Variants in OTOGL observed in about 807,000 individuals in gnomAD.
OTOGL encodes the protein otogelin like.
A neutral mutation model predicts 318.5 loss-of-function variants in OTOGL; 285 were observed. That is an observed-to-expected ratio of 0.89 (90% CI 0.81 to 0.99). The LOEUF (loss-of-function observed/expected upper bound fraction) is 0.99. Among genes scored for constraint, OTOGL ranks in the 50% least tolerant of loss-of-function variants. The probability of loss-of-function intolerance (pLI) is 0.00; values close to 1 mark genes in which losing one functional copy is unlikely to be tolerated. For missense variants in OTOGL, 2,899 were observed against 2,845.6 expected, an observed-to-expected ratio of 1.02 and a Z score of -0.43; for synonymous variants, 987 against 936.5, an observed-to-expected ratio of 1.05 and a Z score of -0.99.
rs112997771 is a variant in OTOGL at position 80,231,763 on chromosome 12, G to T, written c.612-1129G>T. On this transcript the variant is annotated intron_variant, in intron 8 of 58. Transcript: ENST00000547103. ...GATTCTCCTGCCTCAGCCTCCCAAG[G>T]AGCTGGGACTACAGGCACGTGCACC... 7.1e-3 allele frequency among the ~76,000 whole-genome samples: 1,072 copies of T among 151,466 alleles called. 16 individuals are homozygous for T. The highest frequency in any genetic ancestry group is 0.025 in the African/African-American group (1,024 of 41,302).
chr12:80,268,593 G>A (rs1440929344), intron 22 of OTOGL, among the ~76,000 whole-genome samples: 1 of 152,068 alleles, frequency 6.6e-6, no homozygotes, highest in Non-Finnish European at 1.5e-5. Flanking sequence ...TCTGTGGTAC[G>A]CAGTACTATT....
At chr12:80,173,991 A>G (rs1874371487) in intron 1 of OTOGL, among the ~76,000 whole-genome samples, 1 of 152,294 alleles carries the variant, frequency 6.6e-6, no homozygotes, top group South Asian at 2.1e-4. Flanking sequence ...ACATTGAGAA[A>G]GCTCATCCTG....
intron 1 of OTOGL, among the ~76,000 whole-genome samples, chr12:80,130,521 G>C (rs1871173719): frequency 6.6e-6 from 1 of 152,188 alleles, no homozygotes; most frequent in Non-Finnish European, 1.5e-5. Flanking sequence ...GACAAGGGAA[G>C]ATGTTATACA....
At chr12:80,376,283 A>AT (rs1891172954) in intron 57 of OTOGL, among the ~76,000 whole-genome samples, 1 of 152,126 alleles carries the variant, frequency 6.6e-6, no homozygotes, top group Non-Finnish European at 1.5e-5. Context: ...TTAAATTAGG[A>AT]TTTCATGGCT....
chr12:80,172,540 G>A (rs1874272948), intron 1 of OTOGL, among the ~76,000 whole-genome samples: 1 of 152,100 alleles, frequency 6.6e-6, no homozygotes, highest in African/African-American at 2.4e-5. Flanking sequence ...AGGGCAATGG[G>A]GAAGAGCATC....
rs10862089 is a variant in OTOGL, at chr12:80,305,695, G to T, written c.3333G>T (p.Gln1111His). The T allele has an allele frequency of 0.08, 121,749 of 1,521,884 alleles. 5,234 individuals carry two copies. The highest frequency in any genetic ancestry group is 0.13 in the South Asian group (9,987 of 75,732). 94.3% of individuals were successfully genotyped at this position (1,521,884 alleles called of 1,614,324 possible). A position where few individuals can be genotyped will look rare whatever the true frequency, so the allele number is the denominator to read the frequency against. ...RVFGDSWALGQCESPDETIKP... is the reference protein window; with the variant it reads ...RVFGDSWALGHCESPDETIKP... ...TTGGAGATAGTTGGGCATTAGGACA[G>T]GTAAGTTACATAAATGTATTTTAGA... The change falls in exon 29 of 59, where the codon CAG becomes CAT. Residue 1111 changes from glutamine to histidine, a missense_variant and splice_region_variant. Physicochemically the swap from Gln to His is conservative, Grantham distance 24. Around this residue, in one of 3 missense-constraint regions of OTOGL, gnomAD observed 2,607 missense variants for 2,524.9 expected, o/e 1.03. Coordinates refer to ENST00000547103, the MANE Select transcript of OTOGL (RefSeq NM_001378609.3).
At chr12:80,201,255 A>G (rs1876431560) in intron 1 of OTOGL, among the ~76,000 whole-genome samples, 1 of 152,108 alleles carries the variant, frequency 6.6e-6, no homozygotes, top group Non-Finnish European at 1.5e-5. Flanking sequence ...AGACTGGGCA[A>G]TTTACAAAGA....
At chr12:80,233,725 CA>C (rs1879587142) in intron 9 of OTOGL, among the ~76,000 whole-genome samples, 1 of 152,122 alleles carries the variant, frequency 6.6e-6, no homozygotes. Flanking sequence ...AAGAGAATCA[CA>C]AACCATAATC....
intron 42 of OTOGL, 24 bp from the exon 43 acceptor site, chr12:80,339,051 A>G (rs1343241905): frequency 6.6e-7 from 1 of 1,515,660 alleles, no homozygotes; most frequent in Admixed American, 1.9e-5. Flanking sequence ...ATATTTCTTA[A>G]CAGGTGTATT....
At chr12:80,308,330 C>T (rs1421302958) in intron 29 of OTOGL, among the ~76,000 whole-genome samples, 7 of 149,954 alleles carry the variant, frequency 4.7e-5, no homozygotes, top group Admixed American at 1.3e-4. Context: ...ACTTCTCAGA[C>T]GGGGCGTCCG....
chr12:80,104,554 G>A (rs1391423882), intron 1 of OTOGL, among the ~76,000 whole-genome samples: 2 of 152,102 alleles, frequency 1.3e-5, no homozygotes, highest in African/African-American at 2.4e-5. Flanking sequence ...CAGTGCCTTA[G>A]TTCGTCATTG....
At chr12:80,108,862 A>G (rs555590809) in intron 1 of OTOGL, among the ~76,000 whole-genome samples, 142 of 117,860 alleles carry the variant, frequency 1.2e-3, no homozygotes, top group African/African-American at 3.4e-3. Flanking sequence ...ATATATGTGT[A>G]TATATATGTG....
rs539152373 is a variant in OTOGL at position 80,305,172 on chromosome 12, A to AAT, written c.3214-396_3214-395dup. Among the ~76,000 whole-genome samples, 85 of 152,306 alleles carry AAT rather than the reference A, an allele frequency of 5.6e-4. 1 individual carries two copies. The East Asian group carries it at 0.015, about 27-fold the overall frequency. ...TATCCTTGTTTCTAACAAGGATGGG[A>AAT]ATATATATAATTATGAATTACATAT... On this transcript the variant is annotated intron_variant, in intron 28 of 58. Transcript: ENST00000547103.
At chr12:80,338,486 G>A (rs187856816) in intron 42 of OTOGL, among the ~76,000 whole-genome samples, 11 of 152,046 alleles carry the variant, frequency 7.2e-5, no homozygotes, top group East Asian at 3.9e-4. Flanking sequence ...TTAAAGCACC[G>A]TTTTTCAAAG....
rs189465807 is a variant in OTOGL, at chr12:80,204,413, G to A, written c.-19-5000G>A. On this transcript the variant is annotated intron_variant, in intron 1 of 58. Coordinates refer to ENST00000547103, the MANE Select transcript of OTOGL (RefSeq NM_001378609.3). ...TGAAGTCATCCAATCACGACATTTT[G>A]GGATTTGACAGGTTTTGTTTTATAG... is the stretch of plus-strand genomic sequence containing the variant. Among the ~76,000 whole-genome samples, 164 of 152,228 alleles carry A rather than the reference G, an allele frequency of 1.1e-3. 2 individuals carry two copies. The highest frequency in any genetic ancestry group is 3.5e-3 in the African/African-American group (147 of 41,564).
chr12:80,362,808 G>A lies in OTOGL; in HGVS notation c.6268-3766G>A, dbSNP rs1348688494. ...ATTTCGGACAGGGGCTAATAGAAAC[G>A]GAAGTAAATTCACAAAGCTATGAGG... On this transcript the variant is annotated intron_variant, in intron 52 of 58. Transcript: ENST00000547103. Among the ~76,000 whole-genome samples the A allele has an allele frequency of 3.3e-5, 5 of 151,984 alleles. No homozygotes were observed. In the East Asian group the frequency reaches 5.8e-4, roughly 18 times the overall value.
chr12:80,375,998 T>C (rs934510916), intron 57 of OTOGL, among the ~76,000 whole-genome samples: 2 of 151,962 alleles, frequency 1.3e-5, no homozygotes, highest in Non-Finnish European at 1.5e-5. Flanking sequence ...AAGCCAAGTA[T>C]GGAGGGTGCA....
chr12:80,372,082 C>G lies in OTOGL; in HGVS notation c.6781+18C>G, dbSNP rs755787700. 2.3e-5 allele frequency: 35 copies of G among 1,499,428 alleles called. No homozygotes were observed. Among genetic ancestry groups the G allele is most frequent in the Non-Finnish European group, 3.1e-5 (35 of 1,114,818 alleles). The allele number at this position is 1,499,428 out of a possible 1,614,324, so 92.9% of individuals were successfully genotyped here. A position where few individuals can be genotyped will look rare whatever the true frequency, so the allele number is the denominator to read the frequency against. On this transcript the variant is annotated intron_variant, in intron 57 of 58. Transcript: ENST00000547103. ...CAAGATCTGTAAGTGAGAGCATATT[C>G]CATGCATTTACTTGATAGATTAGTT...
chr12:80,249,814 G>A (rs1881329530), intron 11 of OTOGL, among the ~76,000 whole-genome samples: 1 of 152,066 alleles, frequency 6.6e-6, no homozygotes, highest in African/African-American at 2.4e-5. Context: ...AGCAATCAGT[G>A]AGACTCCGTG....
Sources: allele counts gnomAD v4.1 joint callset (sites outside exome capture counted in the v4.1 genomes callset), GRCh38; gene constraint gnomAD v4.1.1; regional missense constraint gnomAD v4.1.1; transcripts MANE v1.5; gene names NCBI Gene and HGNC (gene_info 2026-07-23, HGNC 2026-07-21).